Variants in MED13L observed in about 807,000 individuals in gnomAD.
MED13L encodes the protein mediator of RNA polymerase II transcription subunit 13-like.
Under a neutral mutation model 220.9 loss-of-function variants are expected in MED13L, and 7 were observed. The ratio of observed to expected loss-of-function variants is 0.03; its 90% CI spans 0.02 to 0.06. The LOEUF is 0.06. Ranked by LOEUF, MED13L falls within the 10% of genes least tolerant of loss-of-function variation. The probability of loss-of-function intolerance (pLI) is 1.00; values close to 1 mark genes in which losing one functional copy is unlikely to be tolerated. For synonymous variants in MED13L, 1,011 were observed against 1,015.2 expected (o/e 1.00, Z 0.08); for missense variants, 1,965 against 2,760.5 (o/e 0.71, Z 6.46).
chr12:115,983,350 T>G lies in MED13L; in HGVS notation c.4722A>C (p.Ala1574=), dbSNP rs770636795. ...AGGAACCAGATGCAGAACTACTTGC[T>G]GCAGGATTTGTAGAACTACTATTCG... ...PTSNSSSTNP[A]ASSSASGSSV... is the part of the protein sequence containing the mutation. Residue 1574 remains alanine (A), a synonymous_variant, in exon 21 of 31, where the codon GCA becomes GCC. Coordinates refer to ENST00000281928, the MANE Select transcript of MED13L (RefSeq NM_015335.5). 1.2e-6 allele frequency: 2 copies of G among 1,614,222 alleles called. No individual in the cohort carries two copies. The highest frequency in any genetic ancestry group is 2.2e-5 in the South Asian group (2 of 91,088).
intron 4 of MED13L, among the ~76,000 whole-genome samples, chr12:116,041,644 A>G (rs765643306): frequency 2.6e-5 from 4 of 152,226 alleles, no homozygotes; most frequent in Non-Finnish European, 4.4e-5. Context: ...GGAGATCAAG[A>G]CCATCCTGGC....
At chr12:116,046,340 A>G (rs1401512267) in intron 4 of MED13L, among the ~76,000 whole-genome samples, 3 of 152,190 alleles carry the variant, frequency 2.0e-5, no homozygotes, top group Non-Finnish European at 4.4e-5. Context: ...AAAAAAAATC[A>G]CAAAAGAAAA....
chr12:116,214,744 T>A (rs1054984303), intron 2 of MED13L, among the ~76,000 whole-genome samples: 7 of 152,198 alleles, frequency 4.6e-5, no homozygotes, highest in Non-Finnish European at 1.5e-5. Context: ...ACAGTTCACA[T>A]TGCAACTAAA....
At position 115,963,031 on chromosome 12, in the gene MED13L, A is replaced by G. The variant is rs149445012; in HGVS notation, c.6500+376T>C. ...GCGAGACTCCATCTCGAATAAACAA[A>G]CAAAAATACATAATCTATCTCAGGA... On this transcript the variant is annotated intron_variant, in intron 30 of 30. Coordinates refer to ENST00000281928, the MANE Select transcript of MED13L (RefSeq NM_015335.5). Among the ~76,000 whole-genome samples the G allele has an allele frequency of 3.9e-3, 601 of 152,296 alleles. 2 individuals carry two copies. The highest frequency in any genetic ancestry group is 7.3e-3 in the Non-Finnish European group (499 of 68,024).
At chr12:116,066,234 G>A (rs750472694) in intron 4 of MED13L, among the ~76,000 whole-genome samples, 3 of 152,112 alleles carry the variant, frequency 2.0e-5, no homozygotes, top group Admixed American at 6.5e-5. Context: ...AAGGTAAAGA[G>A]TTTTCATTGA....
rs376292474 is a variant in MED13L at position 116,089,618 on chromosome 12, C to G, written c.479+7051G>C. ...GAAAATTAATTTATACTTAGTACAG[C>G]TGAAATTTTCCAAATTAAAATTAAG... On this transcript the variant is annotated intron_variant, in intron 4 of 30. Transcript: ENST00000281928. Among the ~76,000 whole-genome samples, 6 of 152,112 alleles carry G rather than the reference C, an allele frequency of 3.9e-5. No homozygotes were observed. In the East Asian group the frequency reaches 9.6e-4, roughly 24 times the overall value.
intron 1 of MED13L, among the ~76,000 whole-genome samples, chr12:116,252,997 C>T (rs1008052441): frequency 6.6e-6 from 1 of 152,156 alleles, no homozygotes; most frequent in Non-Finnish European, 1.5e-5. Flanking sequence ...CGTGATGGCT[C>T]ACGCCTATAA....
intron 4 of MED13L, among the ~76,000 whole-genome samples, chr12:116,054,600 A>G (rs1317441884): frequency 6.6e-6 from 1 of 152,226 alleles, no homozygotes; most frequent in Non-Finnish European, 1.5e-5. Context: ...ATTAATAACT[A>G]GATACTTAAC....
intron 2 of MED13L, among the ~76,000 whole-genome samples, chr12:116,209,262 C>T (rs1382557884): frequency 3.3e-5 from 5 of 152,152 alleles, no homozygotes; most frequent in Non-Finnish European, 7.3e-5. Context: ...ATAGAGACAG[C>T]TAGCTATGAC....
intron 4 of MED13L, among the ~76,000 whole-genome samples, chr12:116,085,750 TCACTCACA>T (rs1057465685): frequency 1.1e-4 from 11 of 100,060 alleles, no homozygotes; most frequent in Admixed American, 8.0e-4. Context: ...AAGATTAAAA[TCACTCACA>T]CACACACACA....
At chr12:116,237,381 G>C in intron 2 of MED13L, 87 bp downstream of exon 2, 1 of 1,082,086 alleles carries the variant, frequency 9.2e-7, no homozygotes, top group Non-Finnish European at 1.4e-6. Flanking sequence ...CGTTCTTTTA[G>C]ACAAGTCTTA....
chr12:116,182,408 C>G (rs1350252907), intron 2 of MED13L, among the ~76,000 whole-genome samples: 1 of 152,082 alleles, frequency 6.6e-6, no homozygotes, highest in Non-Finnish European at 1.5e-5. Flanking sequence ...AACTGATGAC[C>G]TTCCTTCCTT....
chr12:116,044,553 T>TC, intron 4 of MED13L, among the ~76,000 whole-genome samples: 1 of 152,292 alleles, frequency 6.6e-6, no homozygotes, highest in Admixed American at 6.5e-5. Flanking sequence ...CACAACAGCA[T>TC]CTAAAGACAG....
Position 115,996,559 on chromosome 12 carries a change from C to A in MED13L, c.2913G>T (p.Leu971=), listed in dbSNP as rs201948814. The A allele has an allele frequency of 1.2e-5, 19 of 1,614,188 alleles. No individual in the cohort carries two copies. The Admixed American group carries it at 1.8e-4, about 16-fold the overall frequency. Residue 971 remains leucine (L), a synonymous_variant, in exon 16 of 31, where the codon CTG becomes CTT. Coordinates refer to ENST00000281928, the MANE Select transcript of MED13L (RefSeq NM_015335.5). ...GAGGAATTGCCCATGAAGGCCGAAACAGACAGGCATCAGGTATCTTCAGAG... is the reference window on the plus strand; with the variant it reads ...GAGGAATTGCCCATGAAGGCCGAAAAAGACAGGCATCAGGTATCTTCAGAG... The part of the protein sequence containing the change: ...LLPLKIPDAC[L]FRPSWAIPPK...
chr12:116,277,567 C>T lies in MED13L; in HGVS notation c.-436G>A, dbSNP rs1873989247. Among the ~76,000 whole-genome samples the T allele has an allele frequency of 1.3e-5, 2 of 149,312 alleles. No individual in the cohort carries two copies. Among genetic ancestry groups the T allele is most frequent in the Non-Finnish European group, 3.0e-5 (2 of 66,864 alleles). ...GAACTCGCGAAGGGGGGGGTGCGGA[C>T]GAAGCCAGCGGGCGACCCCGGCAGC... On this transcript the variant is annotated 5_prime_UTR_variant, in exon 1 of 31. Transcript: ENST00000281928.
chr12:116,115,244 C>T (rs1037582243), intron 2 of MED13L, among the ~76,000 whole-genome samples: 1 of 151,984 alleles, frequency 6.6e-6, no homozygotes, highest in Non-Finnish European at 1.5e-5. Flanking sequence ...AAAAATTGAG[C>T]CACAAATTCA....
At chr12:116,164,202 A>G (rs1485947200) in intron 2 of MED13L, among the ~76,000 whole-genome samples, 2 of 152,212 alleles carry the variant, frequency 1.3e-5, no homozygotes, top group East Asian at 3.8e-4. Flanking sequence ...ACCAAGACAC[A>G]TGAAAGTGCA....
chr12:116,022,388 T>G, intron 5 of MED13L, 68 bp downstream of exon 5: 1 of 1,591,826 alleles, frequency 6.3e-7, no homozygotes, highest in Non-Finnish European at 8.6e-7. Context: ...CCTGCAAAAC[T>G]TTACTGGGCA....
chr12:116,057,834 G>A (rs1001980133), intron 4 of MED13L, among the ~76,000 whole-genome samples: 1 of 151,924 alleles, frequency 6.6e-6, no homozygotes, highest in Non-Finnish European at 1.5e-5. Flanking sequence ...AGAGACTTAG[G>A]ATTATTACTA....
Sources: gnomAD v4.1 joint callset for allele counts (sites outside exome capture counted in the v4.1 genomes callset) on GRCh38, gnomAD v4.1.1 for gene constraint, MANE v1.5 for transcripts, NCBI Gene and HGNC (gene_info 2026-07-23, HGNC 2026-07-21) for gene names.